ATL1: variants seen among roughly 807,000 people sequenced by gnomAD.
ATL1 encodes the protein atlastin-1.
ATL1 carries 31 observed loss-of-function variants against 75.5 expected under a neutral mutation model. The ratio of observed to expected loss-of-function variants is 0.41; its 90% CI spans 0.31 to 0.55. ATL1 has a LOEUF of 0.55. ATL1 is among the 20% of genes least tolerant of loss of function. The pLI is 0.27. For synonymous variants in ATL1, 226 were observed against 233.3 expected, an observed-to-expected ratio of 0.97 and a Z score of 0.28; for missense variants, 405 against 662.6, an observed-to-expected ratio of 0.61 and a Z score of 4.27.
chr14:50,632,429 C>T lies in ATL1; in HGVS notation c.*90C>T, dbSNP rs1011888583. ...ATGCAAACATTCAAAGTGCTTCCAT[C>T]AGAACGGAGTAAAATACTAAACACC... On this transcript the variant is annotated 3_prime_UTR_variant, in exon 14 of 14. Transcript: ENST00000358385. 6 of 907,446 alleles carry T rather than the reference C, an allele frequency of 6.6e-6. No individual in the cohort carries two copies. In the African/African-American group the frequency reaches 9.9e-5, roughly 15 times the overall value. The allele number at this position is 907,446 out of a possible 1,614,324, so 56.2% of individuals were successfully genotyped here. A position where few individuals can be genotyped will look rare whatever the true frequency, so the allele number is the denominator to read the frequency against.
chr14:50,617,433 A>G (rs1054505276), intron 8 of ATL1, among the ~76,000 whole-genome samples: 2 of 152,186 alleles, frequency 1.3e-5, no homozygotes, highest in African/African-American at 4.8e-5. Flanking sequence ...GCAGGTAGCC[A>G]CATTATAAGA....
At chr14:50,617,307 T>C (rs1565839) in intron 8 of ATL1, among the ~76,000 whole-genome samples, 80,912 of 152,056 alleles carry the variant, frequency 0.53, 22,654 homozygotes, top group East Asian at 0.74. Flanking sequence ...CAGCTTTTAT[T>C]GGGTGCTTAC....
At chr14:50,548,086 CA>C (rs2038656927) in intron 1 of ATL1, among the ~76,000 whole-genome samples, 1 of 152,018 alleles carries the variant, frequency 6.6e-6, no homozygotes. Flanking sequence ...AAGCCAACCC[CA>C]AAAAGATACA....
intron 6 of ATL1, among the ~76,000 whole-genome samples, chr14:50,603,785 C>T (rs1472695170): frequency 1.3e-5 from 2 of 152,096 alleles, no homozygotes; most frequent in East Asian, 1.9e-4. Context: ...CTGATGTCGG[C>T]CTGCTTGGGC....
At chr14:50,562,338 C>T (rs1409849194) in intron 1 of ATL1, among the ~76,000 whole-genome samples, 3 of 152,196 alleles carry the variant, frequency 2.0e-5, no homozygotes, top group Admixed American at 6.5e-5. Context: ...GCCACCATTC[C>T]CGGCCTTATA....
At chr14:50,605,720 T>C (rs2140219604) in intron 6 of ATL1, among the ~76,000 whole-genome samples, 1 of 152,180 alleles carries the variant, frequency 6.6e-6, no homozygotes, top group East Asian at 1.9e-4. Context: ...ATTATTTAAG[T>C]ATTCTCCTGG....
chr14:50,601,626 C>T (rs1259734504), intron 6 of ATL1, among the ~76,000 whole-genome samples: 3 of 152,112 alleles, frequency 2.0e-5, no homozygotes, highest in Admixed American at 6.5e-5. Context: ...TGTAGCACGC[C>T]CAGGAAGTAT....
rs113688925 is a variant in ATL1, at chr14:50,533,399, G to A, written c.-140+32G>A. On this transcript the variant is annotated intron_variant, in intron 1 of 13. Coordinates refer to the ATL1 transcript ENST00000441560. ...TTTTGCATCTGACACCCAGGAAAGT[G>A]TTTATAAAGCGTTTTACAGGATAGT... 7 of 152,168 alleles carry A rather than the reference G, an allele frequency of 4.6e-5. 1 individual carries two copies. The highest frequency in any genetic ancestry group is 2.1e-4 in the South Asian group (1 of 4,804). The allele number at this position is 152,168 out of a possible 1,614,324, so 9.4% of individuals were successfully genotyped here. A position where few individuals can be genotyped will look rare whatever the true frequency, so the allele number is the denominator to read the frequency against.
chr14:50,549,702 G>A (rs2038677811), intron 1 of ATL1, among the ~76,000 whole-genome samples: 1 of 152,118 alleles, frequency 6.6e-6, no homozygotes, highest in African/African-American at 2.4e-5. Flanking sequence ...CTGGGCATCA[G>A]AACAAACCAT....
intron 10 of ATL1, among the ~76,000 whole-genome samples, chr14:50,622,355 C>G (rs1283411192): frequency 1.3e-5 from 2 of 151,496 alleles, no homozygotes; most frequent in Non-Finnish European, 2.9e-5. Flanking sequence ...ATAGTGAGAC[C>G]TCATATCTAA....
Position 50,553,062 on chromosome 14 carries a change from A to G in ATL1, c.-139-7065A>G, listed in dbSNP as rs901565316. 3.3e-5 allele frequency among the ~76,000 whole-genome samples: 5 copies of G among 152,174 alleles called. No individual in the cohort carries two copies. The South Asian group carries it at 8.3e-4, about 25-fold the overall frequency. ...GTAATCTCAGCACTTTGGGAGGCTGAGGCGGGTAGATTACTTGAGGTCAGG... is the reference window on the plus strand; with the variant it reads ...GTAATCTCAGCACTTTGGGAGGCTGGGGCGGGTAGATTACTTGAGGTCAGG... On this transcript the variant is annotated intron_variant, in intron 1 of 13. Coordinates refer to the ATL1 transcript ENST00000441560.
intron 6 of ATL1, among the ~76,000 whole-genome samples, chr14:50,602,516 A>G (rs2039280544): frequency 6.6e-6 from 1 of 152,036 alleles, no homozygotes; most frequent in Non-Finnish European, 1.5e-5. Context: ...CATTTACTAA[A>G]GTGTATTATA....
intron 4 of ATL1, among the ~76,000 whole-genome samples, chr14:50,592,127 T>A (rs2039164477): frequency 6.6e-6 from 1 of 152,232 alleles, no homozygotes; most frequent in Admixed American, 6.5e-5. Flanking sequence ...AAAATTTATC[T>A]TTCTTTCCTT....
At chr14:50,540,541 A>G (rs369012315) in intron 1 of ATL1, among the ~76,000 whole-genome samples, 1 of 152,152 alleles carries the variant, frequency 6.6e-6, no homozygotes, top group African/African-American at 2.4e-5. Flanking sequence ...TACCAGGGTG[A>G]TTGTGAGCTA....
intron 1 of ATL1, among the ~76,000 whole-genome samples, chr14:50,563,937 A>G (rs1276559669): frequency 6.6e-6 from 1 of 152,224 alleles, no homozygotes; most frequent in Non-Finnish European, 1.5e-5. Flanking sequence ...GACTTGCCAG[A>G]GGTACCATAG....
intron 11 of ATL1, among the ~76,000 whole-genome samples, chr14:50,626,417 A>G (rs973111795): frequency 6.6e-6 from 1 of 152,222 alleles, no homozygotes; most frequent in Non-Finnish European, 1.5e-5. Flanking sequence ...CCAAGACTTC[A>G]GTGGAGGAAG....
At chr14:50,605,105 A>G (rs2039304969) in intron 6 of ATL1, among the ~76,000 whole-genome samples, 1 of 152,002 alleles carries the variant, frequency 6.6e-6, no homozygotes, top group African/African-American at 2.4e-5. Context: ...GGAAGGATTG[A>G]TCTGCCCTCC....
At chr14:50,540,383 C>G (rs2038546255) in intron 1 of ATL1, among the ~76,000 whole-genome samples, 1 of 152,100 alleles carries the variant, frequency 6.6e-6, no homozygotes, top group African/African-American at 2.4e-5. Context: ...GACATATTAC[C>G]TGAATCTTAG....
chr14:50,591,579 G>A lies in ATL1; in HGVS notation c.462G>A (p.Gln154=), dbSNP rs780349587. ...ATACTCAGGGAACCTTTGATAGTCA[G>A]TCAACTTTGAGAGATTCAGCCACAG... ...LMDTQGTFDS[Q]STLRDSATVF... The change falls in exon 4 of 14, where the codon CAG becomes CAA. Residue 154 remains glutamine (Q), a synonymous_variant. Transcript: ENST00000358385. 2 of 1,613,664 alleles carry A rather than the reference G, an allele frequency of 1.2e-6. No individual in the cohort carries two copies. The highest frequency in any genetic ancestry group is 2.2e-5 in the South Asian group (2 of 91,070).
Sources: allele counts gnomAD v4.1 joint callset (sites outside exome capture counted in the v4.1 genomes callset), GRCh38; gene constraint gnomAD v4.1.1; transcripts MANE v1.5; gene names NCBI Gene and HGNC (gene_info 2026-07-23, HGNC 2026-07-21).